ADK: variants seen among roughly 807,000 people sequenced by gnomAD.
ADK encodes N6,N6-dimethyladenosine kinase.
Under a neutral mutation model 44.7 loss-of-function variants are expected in ADK, and 24 were observed. That is an observed-to-expected ratio of 0.54 (90% CI 0.39 to 0.76). The LOEUF (loss-of-function observed/expected upper bound fraction) is 0.76, where lower values mean the gene tolerates loss of function less well. Among genes scored for constraint, ADK ranks in the 30% least tolerant of loss-of-function variants. ADK has a pLI of 0.00. For missense variants in ADK, 321 were observed against 425.1 expected (o/e 0.76, Z 2.15); for synonymous variants, 128 against 142.6 (o/e 0.90, Z 0.73).
intron 4 of ADK, among the ~76,000 whole-genome samples, chr10:74,366,767 A>T (rs949619613): frequency 2.0e-5 from 3 of 152,046 alleles, no homozygotes; most frequent in Admixed American, 2.0e-4. Flanking sequence ...CCATCTCTAT[A>T]AAAAATACAA....
At chr10:74,579,761 A>C (rs1310060281) in intron 7 of ADK, among the ~76,000 whole-genome samples, 1 of 152,162 alleles carries the variant, frequency 6.6e-6, no homozygotes, top group Non-Finnish European at 1.5e-5. Flanking sequence ...GCTCCCCTTG[A>C]TTTTTAAGCC....
chr10:74,460,122 CTG>C (rs1427491537), intron 6 of ADK, among the ~76,000 whole-genome samples: 1 of 152,172 alleles, frequency 6.6e-6, no homozygotes, highest in African/African-American at 2.4e-5. Flanking sequence ...AGATGTGAAA[CTG>C]TTTCTTCACC....
chr10:74,682,629 A>C (rs1404646150), intron 10 of ADK, among the ~76,000 whole-genome samples: 2 of 144,120 alleles, frequency 1.4e-5, no homozygotes, highest in Non-Finnish European at 3.0e-5. Context: ...AATGGACTGC[A>C]GTGGTGTGAT....
chr10:74,643,226 A>G (rs1053534289), intron 9 of ADK, among the ~76,000 whole-genome samples: 1 of 152,144 alleles, frequency 6.6e-6, no homozygotes, highest in African/African-American at 2.4e-5. Flanking sequence ...TCTCTAAAAC[A>G]TTCACAACCT....
chr10:74,478,853 C>A (rs899468060), intron 6 of ADK, among the ~76,000 whole-genome samples: 4 of 152,178 alleles, frequency 2.6e-5, no homozygotes, highest in Non-Finnish European at 5.9e-5. Context: ...GGTTTGATTG[C>A]TTACAAAAGG....
intron 2 of ADK, among the ~76,000 whole-genome samples, chr10:74,210,059 G>A (rs914686219): frequency 6.6e-6 from 1 of 152,110 alleles, no homozygotes; most frequent in Non-Finnish European, 1.5e-5. Flanking sequence ...GCTGGGCGCG[G>A]TGGCTCACAC....
intron 6 of ADK, among the ~76,000 whole-genome samples, chr10:74,431,947 C>T (rs1157968685): frequency 2.0e-5 from 3 of 152,092 alleles, no homozygotes; most frequent in Admixed American, 2.0e-4. Context: ...AATTCCAGCA[C>T]TTTAGGAGGC....
chr10:74,370,718 T>G (rs1156239741), intron 4 of ADK, among the ~76,000 whole-genome samples: 1 of 151,918 alleles, frequency 6.6e-6, no homozygotes, highest in Non-Finnish European at 1.5e-5. Context: ...TTTGATCAAT[T>G]TTTTATTATA....
chr10:74,242,751 G>T (rs1250152873), intron 3 of ADK, among the ~76,000 whole-genome samples: 3 of 152,140 alleles, frequency 2.0e-5, no homozygotes, highest in Non-Finnish European at 4.4e-5. Flanking sequence ...CCTATGGCCT[G>T]CCCCACCCGC....
chr10:74,461,323 A>G (rs982111379), intron 6 of ADK, among the ~76,000 whole-genome samples: 2 of 152,056 alleles, frequency 1.3e-5, no homozygotes, highest in East Asian at 1.9e-4. Context: ...TTCTTACCTT[A>G]CTAGTCTGAA....
intron 3 of ADK, among the ~76,000 whole-genome samples, chr10:74,284,468 T>G (rs1445646516): frequency 6.6e-6 from 1 of 152,114 alleles, no homozygotes; most frequent in Non-Finnish European, 1.5e-5. Context: ...TTCTCCACGT[T>G]GGTCAGGCTG....
chr10:74,632,219 T>C (rs1853461009), intron 9 of ADK, among the ~76,000 whole-genome samples: 1 of 152,240 alleles, frequency 6.6e-6, no homozygotes, highest in South Asian at 2.1e-4. Context: ...TGTGGTTTTC[T>C]GTGTTAGGCT....
chr10:74,637,843 A>C (rs942586969), intron 9 of ADK, among the ~76,000 whole-genome samples: 1 of 152,248 alleles, frequency 6.6e-6, no homozygotes, highest in South Asian at 2.1e-4. Flanking sequence ...ACAAAGACAC[A>C]TGAAGAAACT....
chr10:74,425,112 G>C (rs1269995703), intron 6 of ADK, among the ~76,000 whole-genome samples: 1 of 152,132 alleles, frequency 6.6e-6, no homozygotes, highest in Non-Finnish European at 1.5e-5. Flanking sequence ...TTTCCAAAGA[G>C]AGTATTTACA....
chr10:74,307,041 T>C (rs1773514118), intron 3 of ADK, among the ~76,000 whole-genome samples: 1 of 152,176 alleles, frequency 6.6e-6, no homozygotes, highest in Admixed American at 6.6e-5. Context: ...TATCTTCTGC[T>C]AAGCACAAAG....
intron 6 of ADK, among the ~76,000 whole-genome samples, chr10:74,427,099 A>G (rs942220576): frequency 1.1e-4 from 17 of 152,236 alleles, no homozygotes; most frequent in African/African-American, 3.9e-4. Context: ...GGACAGATTT[A>G]TGAACACCAG....
intron 3 of ADK, among the ~76,000 whole-genome samples, chr10:74,305,771 G>C (rs1840225450): frequency 4.0e-5 from 6 of 151,842 alleles, no homozygotes; most frequent in Admixed American, 3.9e-4. Flanking sequence ...TTGTGGTTCA[G>C]GCTGCAGTGC....
At chr10:74,162,957 G>T (rs925835042) in intron 1 of ADK, among the ~76,000 whole-genome samples, 3 of 151,480 alleles carry the variant, frequency 2.0e-5, no homozygotes. Flanking sequence ...TCTCCTACGT[G>T]AACAGTAACA....
At chr10:74,328,001 C>T (rs769933073) in intron 4 of ADK, among the ~76,000 whole-genome samples, 52 of 152,112 alleles carry the variant, frequency 3.4e-4, no homozygotes, top group Non-Finnish European at 5.4e-4. Context: ...CTCCACCTCC[C>T]GGGTTCAAGC....
Sources: allele counts gnomAD v4.1 joint callset (sites outside exome capture counted in the v4.1 genomes callset), GRCh38; gene constraint gnomAD v4.1.1; transcripts MANE v1.5; gene names NCBI Gene and HGNC (gene_info 2026-07-23, HGNC 2026-07-21).